The following BBX variants were observed in gnomAD, a reference collection of about 807,000 sequenced individuals.
BBX encodes HMG box transcription factor BBX.
Under a neutral mutation model 100.2 loss-of-function variants are expected in BBX, and 30 were observed. That is an observed-to-expected ratio of 0.30 (90% confidence interval 0.22 to 0.41). BBX has a LOEUF of 0.41. Among genes scored for constraint, BBX ranks in the 10% least tolerant of loss-of-function variants. The pLI, the probability that BBX is intolerant of heterozygous loss-of-function variation, is 1.00. For missense variants in BBX, 1,023 were observed against 1,129.8 expected, an observed-to-expected ratio of 0.91 and a Z score of 1.35; for synonymous variants, 376 against 388.1, an observed-to-expected ratio of 0.97 and a Z score of 0.37.
At chr3:107,548,829 G>A (rs899895541) in intron 2 of BBX, among the ~76,000 whole-genome samples, 3 of 152,218 alleles carry the variant, frequency 2.0e-5, no homozygotes, top group Admixed American at 6.5e-5. Context: ...ACAAAATCAT[G>A]TCCTTTGCAG....
intron 2 of BBX, among the ~76,000 whole-genome samples, chr3:107,552,583 T>G (rs1409613635): frequency 6.6e-6 from 1 of 152,156 alleles, no homozygotes; most frequent in Non-Finnish European, 1.5e-5. Flanking sequence ...ACTTGGGACA[T>G]ATAGGATTTA....
chr3:107,597,436 G>C (rs940444520), intron 2 of BBX, among the ~76,000 whole-genome samples: 1 of 152,086 alleles, frequency 6.6e-6, no homozygotes, highest in Non-Finnish European at 1.5e-5. Flanking sequence ...AAATATTAGA[G>C]ATAAAAATAC....
chr3:107,574,132 T>G (rs1226774775), intron 2 of BBX, among the ~76,000 whole-genome samples: 2 of 152,250 alleles, frequency 1.3e-5, no homozygotes, highest in Non-Finnish European at 2.9e-5. Context: ...CTATCATTTC[T>G]TGAATACTCA....
At chr3:107,660,618 C>T (rs1034516464) in intron 3 of BBX, among the ~76,000 whole-genome samples, 1 of 150,476 alleles carries the variant, frequency 6.6e-6, no homozygotes, top group Admixed American at 6.6e-5. Context: ...TTAAAAATTG[C>T]TGAACATGAT....
intron 2 of BBX, among the ~76,000 whole-genome samples, chr3:107,589,251 T>A (rs1158581234): frequency 1.3e-5 from 2 of 152,216 alleles, no homozygotes; most frequent in African/African-American, 4.8e-5. Flanking sequence ...TATTTGACCA[T>A]CATCTTGAGT....
At chr3:107,579,748 T>C (rs1219851555) in intron 2 of BBX, among the ~76,000 whole-genome samples, 1 of 152,196 alleles carries the variant, frequency 6.6e-6, no homozygotes, top group Non-Finnish European at 1.5e-5. Context: ...AGTTTGTTCT[T>C]CCCCAGTTTG....
At chr3:107,803,415 A>G (rs765716301) in intron 17 of BBX, among the ~76,000 whole-genome samples, 3 of 152,172 alleles carry the variant, frequency 2.0e-5, no homozygotes, top group Non-Finnish European at 2.9e-5. Context: ...TTGCATACCA[A>G]TGAAGTAAGC....
intron 2 of BBX, among the ~76,000 whole-genome samples, chr3:107,635,585 T>G (rs16844855): frequency 0.11 from 16,124 of 152,232 alleles, 1,167 homozygotes; most frequent in African/African-American, 0.2. Context: ...CATCTTGACT[T>G]ACTGAATATC....
In BBX at chr3:107,774,750, T is replaced by A; in HGVS notation, c.1947T>A (p.Ser649=). The A allele has an allele frequency of 6.2e-7, 1 of 1,613,406 alleles. No individual in the cohort carries two copies. Among genetic ancestry groups the A allele is most frequent in the Non-Finnish European group, 8.5e-7 (1 of 1,179,568 alleles). The change falls in exon 12 of 18, where the codon TCT becomes TCA. Residue 649 remains serine, a synonymous_variant. Transcript: ENST00000325805. ...GAAGCTCAGGAAAAGGAAACTCCTC[T>A]GATCATGAAGGGTGTTGGAATGAAG... is the stretch of plus-strand genomic sequence containing the variant. The part of the protein sequence containing the change: ...GKRSSGKGNS[S]DHEGCWNEES...
intron 2 of BBX, among the ~76,000 whole-genome samples, chr3:107,544,777 G>A (rs749747674): frequency 2.0e-5 from 3 of 151,212 alleles, no homozygotes; most frequent in East Asian, 1.9e-4. Context: ...CGGCCAAGGC[G>A]GGCGGATCAC....
intron 3 of BBX, among the ~76,000 whole-genome samples, chr3:107,697,440 T>C (rs2060699420): frequency 6.6e-6 from 1 of 151,844 alleles, no homozygotes; most frequent in African/African-American, 2.4e-5. Context: ...GCTGCAGGTC[T>C]GTTGGAGTAC....
At chr3:107,589,965 G>A (rs1478229196) in intron 2 of BBX, among the ~76,000 whole-genome samples, 1 of 151,724 alleles carries the variant, frequency 6.6e-6, no homozygotes, top group East Asian at 1.9e-4. Context: ...GGTCTAATAT[G>A]GTACTTTCAT....
chr3:107,714,918 T>C (rs1462209202), intron 4 of BBX, among the ~76,000 whole-genome samples: 2 of 152,096 alleles, frequency 1.3e-5, no homozygotes, highest in Non-Finnish European at 2.9e-5. Context: ...CCCAAGTAGC[T>C]GGGACTACAG....
intron 13 of BBX, among the ~76,000 whole-genome samples, chr3:107,784,494 A>G (rs1215442293): frequency 6.6e-6 from 1 of 152,004 alleles, no homozygotes; most frequent in Admixed American, 6.6e-5. Context: ...AAAAATCAGT[A>G]GTAGAAAAAA....
At chr3:107,614,425 C>A (rs1412977002) in intron 2 of BBX, among the ~76,000 whole-genome samples, 1 of 151,102 alleles carries the variant, frequency 6.6e-6, no homozygotes, top group African/African-American at 2.4e-5. Flanking sequence ...TCACCCCCAC[C>A]CCCCCAAAAA....
At position 107,710,568 on chromosome 3, in the gene BBX, T is replaced by G. The variant is rs769814455; in HGVS notation, c.108T>G (p.Leu36=). ...LQWHPLLAKK[L]LDFSEEEEEE... ...GGCATCCATTGCTAGCAAAGAAACT[T>G]CTTGATTTTTCAGAAGAGGAAGAAG... The change falls in exon 4 of 18, where the codon CTT becomes CTG. Residue 36 remains leucine, a synonymous_variant. Transcript: ENST00000325805. 3 of 1,613,762 alleles carry G rather than the reference T, an allele frequency of 1.9e-6. No homozygotes were observed. Among genetic ancestry groups the G allele is most frequent in the Non-Finnish European group, 2.5e-6 (3 of 1,179,914 alleles).
Position 107,769,207 on chromosome 3 carries a change from TAGATAGATAGATAGATAGATAGAC to T in BBX, c.907-3410_907-3387del, listed in dbSNP as rs1370621172. On this transcript the variant is annotated intron_variant, in intron 10 of 17. Coordinates refer to ENST00000325805, the MANE Select transcript of BBX (RefSeq NM_001142568.3). ...ATAGATAGATAGATAGATAGATAGA[TAGATAGATAGATAGATAGATAGAC>T]AGATAGATAGGATAGATAGATAATC... is the stretch of plus-strand genomic sequence containing the variant. Among the ~76,000 whole-genome samples the T allele has an allele frequency of 1.7e-3, 230 of 137,774 alleles. 1 individual carries two copies. Among genetic ancestry groups the T allele is most frequent in the Non-Finnish European group, 2.9e-3 (182 of 62,808 alleles). The allele number at this position is 137,774 out of a possible 152,430, so 90.4% of individuals were successfully genotyped here. A position where few individuals can be genotyped will look rare whatever the true frequency, so the allele number is the denominator to read the frequency against.
chr3:107,679,162 A>G (rs1196735035), intron 3 of BBX, among the ~76,000 whole-genome samples: 2 of 151,204 alleles, frequency 1.3e-5, no homozygotes, highest in African/African-American at 4.8e-5. Flanking sequence ...AAAGCCAAAG[A>G]TTTGTGTAGT....
intron 2 of BBX, among the ~76,000 whole-genome samples, chr3:107,598,344 T>C (rs1654203118): frequency 6.6e-6 from 1 of 152,222 alleles, no homozygotes; most frequent in Non-Finnish European, 1.5e-5. Context: ...GTCTTTGCAA[T>C]CCTAATTCTC....
Sources: allele counts gnomAD v4.1 joint callset (sites outside exome capture counted in the v4.1 genomes callset), GRCh38; gene constraint gnomAD v4.1.1; transcripts MANE v1.5; gene names NCBI Gene and HGNC (gene_info 2026-07-23, HGNC 2026-07-21).